Variants in PLXNA2 observed in about 807,000 individuals in gnomAD.
PLXNA2 encodes the protein plexin A2, also known as plexin-A2.
In PLXNA2, 91 loss-of-function variants were observed where a neutral mutation model predicts 193.5. The observed-to-expected ratio is 0.47, with a 90% CI of 0.40 to 0.56. The LOEUF is 0.56. Among genes scored for constraint, PLXNA2 ranks in the 20% least tolerant of loss-of-function variants. The pLI, the probability that PLXNA2 is intolerant of heterozygous loss-of-function variation, is 0.00. For missense variants in PLXNA2, 1,995 were observed against 2,503.2 expected, an observed-to-expected ratio of 0.80 and a Z score of 4.33; for synonymous variants, 997 against 1,027.3, an observed-to-expected ratio of 0.97 and a Z score of 0.56.
rs373911029 is a variant in PLXNA2 at position 208,045,944 on chromosome 1, C to A, written c.3429G>T (p.Pro1143=). The A allele has an allele frequency of 3.7e-6, 6 of 1,614,096 alleles. No individual in the cohort carries two copies. Among genetic ancestry groups the A allele is most frequent in the Non-Finnish European group, 5.1e-6 (6 of 1,180,034 alleles). ...CAGTAGGGCTAAGCAGTTCAAAGGTCGGGTTGGGGTAGTAGATAAACTTGG... is the reference window on the plus strand; with the variant it reads ...CAGTAGGGCTAAGCAGTTCAAAGGTAGGGTTGGGGTAGTAGATAAACTTGG... ...NDTKFIYYPN[P]TFELLSPTGV... is the part of the protein sequence containing the mutation. Residue 1143 remains proline (P), a synonymous_variant, in exon 18 of 32, where the codon CCG becomes CCT. Transcript: ENST00000367033.
intron 3 of PLXNA2, among the ~76,000 whole-genome samples, chr1:208,178,203 G>T (rs531404361): frequency 2.0e-5 from 3 of 152,272 alleles, no homozygotes; most frequent in Non-Finnish European, 2.9e-5. Flanking sequence ...TGAGCTCTTT[G>T]GAGTAGAGGG....
chr1:208,051,734 G>A (rs796988344), intron 15 of PLXNA2, among the ~76,000 whole-genome samples: 16 of 152,262 alleles, frequency 1.1e-4, no homozygotes, highest in African/African-American at 3.9e-4. Context: ...TTAGAATCTG[G>A]TCAGGCAGTC....
chr1:208,215,285 C>T (rs1366157982), intron 2 of PLXNA2, among the ~76,000 whole-genome samples: 1 of 152,130 alleles, frequency 6.6e-6, no homozygotes, highest in African/African-American at 2.4e-5. Flanking sequence ...TGTGAGCCAC[C>T]GCACCCAGCC....
chr1:208,039,934 C>G, intron 23 of PLXNA2, 58 bp downstream of exon 23: 1 of 1,587,474 alleles, frequency 6.3e-7, no homozygotes, highest in Non-Finnish European at 8.7e-7. Flanking sequence ...TGGCCAGGAT[C>G]TAAGCAGCAG....
At chr1:208,138,425 C>T (rs1447377720) in intron 4 of PLXNA2, among the ~76,000 whole-genome samples, 1 of 152,202 alleles carries the variant, frequency 6.6e-6, no homozygotes, top group Non-Finnish European at 1.5e-5. Flanking sequence ...ATTTGACTTA[C>T]AATATTTCCA....
chr1:208,076,366 C>T (rs1018495938), intron 12 of PLXNA2, among the ~76,000 whole-genome samples: 4 of 152,120 alleles, frequency 2.6e-5, no homozygotes, highest in African/African-American at 9.7e-5. Context: ...AGGTGTGAGC[C>T]ACTGCAGCTG....
chr1:208,060,878 A>T (rs1571873433), intron 12 of PLXNA2, 41 bp from the exon 13 acceptor site: 1 of 1,603,068 alleles, frequency 6.2e-7, no homozygotes, highest in South Asian at 1.1e-5. Flanking sequence ...GTTTGGTCAC[A>T]GGAACAGAAA....
intron 3 of PLXNA2, among the ~76,000 whole-genome samples, chr1:208,206,554 C>T (rs1670729531): frequency 6.6e-6 from 1 of 152,100 alleles, no homozygotes; most frequent in Admixed American, 6.5e-5. Flanking sequence ...GAATGCCCTT[C>T]TCTCCCCCAA....
At chr1:208,092,383 G>T (rs953513555) in intron 9 of PLXNA2, among the ~76,000 whole-genome samples, 8 of 152,214 alleles carry the variant, frequency 5.3e-5, no homozygotes, top group East Asian at 3.8e-4. Context: ...ATGAAAGAAT[G>T]GTTGCGAGTG....
At chr1:208,152,712 C>T (rs1279834688) in intron 3 of PLXNA2, among the ~76,000 whole-genome samples, 1 of 151,864 alleles carries the variant, frequency 6.6e-6, no homozygotes, top group African/African-American at 2.4e-5. Context: ...CACACACACA[C>T]ACACACCACC....
In PLXNA2 at chr1:208,027,233, G is replaced by C; in HGVS notation, c.*10C>G. 2 of 1,609,664 alleles carry C rather than the reference G, an allele frequency of 1.2e-6. No homozygotes were observed. The highest frequency in any genetic ancestry group is 1.7e-6 in the Non-Finnish European group (2 of 1,176,716). The stretch of plus-strand genomic sequence containing the variant: ...AGGTCCCTCTTCCCAGGAATGCGAG[G>C]CTCCTCCTCTCAGCTCTCAATGGAC... On this transcript the variant is annotated 3_prime_UTR_variant, in exon 32 of 32. Transcript: ENST00000367033.
intron 2 of PLXNA2, among the ~76,000 whole-genome samples, chr1:208,212,974 C>T (rs2102604549): frequency 6.6e-6 from 1 of 152,314 alleles, no homozygotes; most frequent in East Asian, 1.9e-4. Context: ...TGTCAAGCTT[C>T]CTTTGAGCTC....
intron 1 of PLXNA2, among the ~76,000 whole-genome samples, chr1:208,226,899 T>G (rs1399880999): frequency 1.3e-5 from 2 of 152,192 alleles, no homozygotes; most frequent in African/African-American, 4.8e-5. Flanking sequence ...CAGAAAGAAT[T>G]TCTCCAAATT....
At chr1:208,194,457 C>T (rs1268090868) in intron 3 of PLXNA2, among the ~76,000 whole-genome samples, 5 of 64,232 alleles carry the variant, frequency 7.8e-5, no homozygotes, top group African/African-American at 3.0e-4. Flanking sequence ...TAGCAGCTTA[C>T]TGCAAAAAAA....
chr1:208,151,803 A>G (rs1668772515), intron 3 of PLXNA2, among the ~76,000 whole-genome samples: 1 of 152,346 alleles, frequency 6.6e-6, no homozygotes, highest in African/African-American at 2.4e-5. Flanking sequence ...TCGAAGCTGA[A>G]TCTGTCTGAT....
At chr1:208,089,501 A>G (rs1055962359) in intron 9 of PLXNA2, among the ~76,000 whole-genome samples, 1 of 152,248 alleles carries the variant, frequency 6.6e-6, no homozygotes, top group Non-Finnish European at 1.5e-5. Context: ...GGCTGTTGCA[A>G]GAATCCATTG....
At chr1:208,059,705 C>A (rs142384733) in intron 13 of PLXNA2, among the ~76,000 whole-genome samples, 1 of 152,234 alleles carries the variant, frequency 6.6e-6, no homozygotes, top group Non-Finnish European at 1.5e-5. Flanking sequence ...TTTGCTCTCT[C>A]CTGCTTTGCA....
rs1214337791 is a variant in PLXNA2, at chr1:208,217,478, C to T, written c.445G>A (p.Val149Met). 1 of 1,614,194 alleles carries T rather than the reference C, an allele frequency of 6.2e-7. No individual in the cohort carries two copies. The highest frequency in any genetic ancestry group is 8.5e-7 in the Non-Finnish European group (1 of 1,180,028). The change falls in exon 2 of 32, where the codon GTG (valine) becomes ATG (methionine). Residue 149 changes from valine (V) to methionine (M), a missense_variant. Coordinates refer to ENST00000367033, the MANE Select transcript of PLXNA2 (RefSeq NM_025179.4). The surrounding 1 kb of genome is among the most constrained non-coding windows in gnomAD (Gnocchi z 4.7). Reference protein sequence around the residue: ...LLRLDDLFILVEPSHKKEHYL... With the variant: ...LLRLDDLFILMEPSHKKEHYL... ...TGCTCCTTCTTGTGGGATGGCTCCACCAGGATGAAGAGGTCATCCAGCCGC... is the reference window on the plus strand; with the variant it reads ...TGCTCCTTCTTGTGGGATGGCTCCATCAGGATGAAGAGGTCATCCAGCCGC...
chr1:208,152,491 ATCT>A (rs1449866673), intron 3 of PLXNA2, among the ~76,000 whole-genome samples: 2 of 152,208 alleles, frequency 1.3e-5, no homozygotes, highest in East Asian at 3.8e-4. Context: ...TGCCAGATTA[ATCT>A]TCTTAAAACA....
Sources: allele counts gnomAD v4.1 joint callset (sites outside exome capture counted in the v4.1 genomes callset), GRCh38; gene constraint gnomAD v4.1.1; non-coding constraint Gnocchi (gnomAD v3.1); transcripts MANE v1.5; gene names NCBI Gene and HGNC (gene_info 2026-07-23, HGNC 2026-07-21).